The following ITM2A variants were observed in gnomAD, a reference collection of about 807,000 sequenced individuals.
ITM2A encodes the protein BRICHOS domain containing 2A.
In ITM2A, 11 loss-of-function variants were observed where a neutral mutation model predicts 16.6. The observed-to-expected ratio is 0.66, with a 90% CI of 0.42 to 1.10. ITM2A has a LOEUF of 1.10. Among genes scored for constraint, ITM2A ranks in the 50% least tolerant of loss-of-function variants. ITM2A has a pLI of 0.00. For missense variants in ITM2A, 243 were observed against 206.8 expected (o/e 1.17, Z -1.07); for synonymous variants, 102 against 71.2 (o/e 1.43, Z -2.18).
At position 79,361,764 on chromosome X, in the gene ITM2A, G is replaced by A. The variant is rs761264850; in HGVS notation, c.553-285C>T. Among the ~76,000 whole-genome samples, 20 of 110,606 alleles carry A rather than the reference G, an allele frequency of 1.8e-4. No homozygotes were observed. The South Asian group carries it at 6.6e-3, about 36-fold the overall frequency. ...GGCTCTCACTTAAGTGAGAACATAC[G>A]GTATTTGGTTTTCTGTTGCTGTGTT... On this transcript the variant is annotated intron_variant, in intron 4 of 5. Coordinates refer to ENST00000373298, the MANE Select transcript of ITM2A (RefSeq NM_004867.5).
Position 79,367,110 on chromosome X carries a change from C to T in ITM2A, c.106G>A (p.Gly36Ser). 8.4e-7 allele frequency: 1 copy of T among 1,191,244 alleles called. No individual in the cohort carries two copies. Among genetic ancestry groups the T allele is most frequent in the East Asian group, 3.0e-5 (1 of 33,253 alleles). The change falls in exon 1 of 6, where the codon GGC (glycine) becomes AGC (serine). Residue 36 changes from glycine (G) to serine (S), a missense_variant. Physicochemically the swap from Gly to Ser is moderately conservative, Grantham distance 56. Transcript: ENST00000373298. Reference sequence around the variant, plus strand: ...TCCCGCCCTGGGACAGCTACCTTGCCGGTCAGTATCTGAGTTCTGACCGTG... The same window carrying T: ...TCCCGCCCTGGGACAGCTACCTTGCTGGTCAGTATCTGAGTTCTGACCGTG... ...SRTVRTQILT[G>S]KELRVATQEK...
At chrX:79,363,360 G>A (rs1925490131) in intron 2 of ITM2A, 63 bp downstream of exon 2, 1 of 941,833 alleles carries the variant, frequency 1.1e-6, no homozygotes, top group South Asian at 2.7e-5. Context: ...AATTTTTTAA[G>A]TTGCTACTAA....
chrX:79,361,577 T>C, intron 4 of ITM2A, 98 bp from the exon 5 acceptor site: 5 of 701,047 alleles, frequency 7.1e-6, no homozygotes, highest in Non-Finnish European at 1.1e-5. Context: ...TAAGTAAAGT[T>C]GTGTCATGGG....
chrX:79,361,934 T>C (rs190140923), intron 4 of ITM2A, among the ~76,000 whole-genome samples: 262 of 109,416 alleles, frequency 2.4e-3, no homozygotes, highest in Middle Eastern at 4.7e-3. Flanking sequence ...CACTCTATCA[T>C]TGATGGACAT....
intron 1 of ITM2A, 128 bp from the exon 2 acceptor site, chrX:79,363,682 T>A: frequency 2.7e-6 from 1 of 369,764 alleles, no homozygotes; most frequent in Non-Finnish European, 4.5e-6. Flanking sequence ...ATTTTAATTG[T>A]AGTCTGAATT....
At chrX:79,361,296 C>T in intron 5 of ITM2A, 33 bp downstream of exon 5, 1 of 1,181,441 alleles carries the variant, frequency 8.5e-7, no homozygotes, top group Non-Finnish European at 1.1e-6. Flanking sequence ...CTGTGTAACA[C>T]AGGGTGAAGG....
rs748695064 is a variant in ITM2A at position 79,367,110 on chromosome X, C to G, written c.106G>C (p.Gly36Arg). 1.6e-5 allele frequency: 19 copies of G among 1,188,950 alleles called. No homozygotes were observed. The highest frequency in any genetic ancestry group is 3.5e-5 in the African/African-American group (2 of 56,443). Residue 36 changes from glycine to arginine, a missense_variant, in exon 1 of 6, where the codon GGC becomes CGC. Coordinates refer to ENST00000373298, the MANE Select transcript of ITM2A (RefSeq NM_004867.5). ...SRTVRTQILT[G>R]KELRVATQEK... is the part of the protein sequence containing the mutation. The stretch of plus-strand genomic sequence containing the variant: ...TCCCGCCCTGGGACAGCTACCTTGC[C>G]GGTCAGTATCTGAGTTCTGACCGTG...
intron 3 of ITM2A, 55 bp downstream of exon 3, chrX:79,362,887 A>AAG (rs763516885): frequency 9.4e-5 from 89 of 948,566 alleles, no homozygotes; most frequent in Non-Finnish European, 1.2e-4. Context: ...TGAAGTAAAA[A>AAG]AGAGAGAGAG....
Position 79,363,098 on chromosome X carries a change from C to T in ITM2A, c.285G>A (p.Glu95=), listed in dbSNP as rs1602221845. 8.3e-7 allele frequency: 1 copy of T among 1,207,406 alleles called. No homozygotes were observed. Among genetic ancestry groups the T allele is most frequent in the Admixed American group, 2.2e-5 (1 of 45,424 alleles). ...CTCCACGAAGGGAATTTGCAGGATC[C>T]TCAGAATCAAAAAAGCACATCTCTC... is the stretch of plus-strand genomic sequence containing the variant. ...YRGEMCFFDS[E]DPANSLRGGE... is the part of the protein sequence containing the mutation. The change falls in exon 3 of 6, where the codon GAG becomes GAA. Residue 95 remains glutamate, a synonymous_variant. Coordinates refer to ENST00000373298, the MANE Select transcript of ITM2A (RefSeq NM_004867.5).
intron 1 of ITM2A, among the ~76,000 whole-genome samples, chrX:79,363,897 CTT>C (rs1015917592): frequency 8.1e-5 from 9 of 111,702 alleles, no homozygotes; most frequent in Admixed American, 7.6e-4. Flanking sequence ...GACATTGACT[CTT>C]AACACATTTT....
chrX:79,366,915 A>G (rs1215186329), intron 1 of ITM2A, 190 bp downstream of exon 1: 3 of 413,760 alleles, frequency 7.3e-6, no homozygotes, highest in African/African-American at 2.5e-5. Context: ...GACACGCGGG[A>G]ATGCAGAGTG....
chrX:79,367,192 G>A lies in ITM2A; in HGVS notation c.24C>T (p.Thr8=). 8.3e-7 allele frequency: 1 copy of A among 1,206,323 alleles called. No individual in the cohort carries two copies. ...CCTCCTCCTTTTGCACGGCGGTAGG[G>A]GTATTGAAGGCGATTTTCACCATAG... is the stretch of plus-strand genomic sequence containing the variant. MVKIAFN[T]PTAVQKEEAR... is the part of the protein sequence containing the mutation. The change falls in exon 1 of 6, where the codon ACC becomes ACT. Residue 8 remains threonine (T), a synonymous_variant. Transcript: ENST00000373298.
At position 79,363,027 on chromosome X, in the gene ITM2A, T is replaced by A. The variant is rs778775054; in HGVS notation, c.356A>T (p.Glu119Val). 5.0e-6 allele frequency: 6 copies of A among 1,205,751 alleles called. No individual in the cohort carries two copies. The highest frequency in any genetic ancestry group is 4.5e-6 in the Non-Finnish European group (4 of 890,204). The change falls in exon 3 of 6, where the codon GAG becomes GTG. Residue 119 changes from glutamate (E) to valine (V), a missense_variant. Coordinates refer to ENST00000373298, the MANE Select transcript of ITM2A (RefSeq NM_004867.5). Reference protein sequence around the residue: ...LPVTEEADIREDDNIAIIDVP... With the variant: ...LPVTEEADIRVDDNIAIIDVP... ...ATCAATGATTGCAATGTTGTCATCCTCACGAATGTCAGCCTCCTCAGTCAC... is the reference window on the plus strand; with the variant it reads ...ATCAATGATTGCAATGTTGTCATCCACACGAATGTCAGCCTCCTCAGTCAC...
At position 79,366,932 on chromosome X, in the gene ITM2A, G is replaced by A. The variant is rs1025860405; in HGVS notation, c.111+173C>T. ...CACGCGGGAATGCAGAGTGACAGAG[G>A]GTGCGGTAAGCAGAAGGTGCCGCAA... On this transcript the variant is annotated intron_variant, in intron 1 of 5. Coordinates refer to ENST00000373298, the MANE Select transcript of ITM2A (RefSeq NM_004867.5). The A allele has an allele frequency of 1.4e-5, 6 of 422,416 alleles. No homozygotes were observed. The Admixed American group carries it at 2.6e-4, about 18-fold the overall frequency. The allele number at this position is 422,416 out of a possible 1,213,427, so 34.8% of individuals were successfully genotyped here. A position where few individuals can be genotyped will look rare whatever the true frequency, so the allele number is the denominator to read the frequency against.
chrX:79,367,236 G>A lies in ITM2A; in HGVS notation c.-21C>T, dbSNP rs1342457825. ...ACCATAGTGAATCTTCGGGCTGCGC[G>A]GTAAGGCGCTGCTGGAATCAGCGTC... is the stretch of plus-strand genomic sequence containing the variant. On this transcript the variant is annotated 5_prime_UTR_variant, in exon 1 of 6. Coordinates refer to ENST00000373298, the MANE Select transcript of ITM2A (RefSeq NM_004867.5). The A allele has an allele frequency of 1.8e-6, 2 of 1,096,049 alleles. No individual in the cohort carries two copies. Among genetic ancestry groups the A allele is most frequent in the Admixed American group, 4.5e-5 (2 of 44,270 alleles). The allele number at this position is 1,096,049 out of a possible 1,213,427, so 90.3% of individuals were successfully genotyped here.
At position 79,367,249 on chromosome X, in the gene ITM2A, T is replaced by C; in HGVS notation, c.-34A>G. On this transcript the variant is annotated 5_prime_UTR_variant, in exon 1 of 6. Coordinates refer to ENST00000373298, the MANE Select transcript of ITM2A (RefSeq NM_004867.5). ...TTCGGGCTGCGCGGTAAGGCGCTGC[T>C]GGAATCAGCGTCCTGGGCTGCAGAC... 9.9e-7 allele frequency: 1 copy of C among 1,014,479 alleles called. No homozygotes were observed. The highest frequency in any genetic ancestry group is 1.4e-6 in the Non-Finnish European group (1 of 726,888). 83.6% of individuals were successfully genotyped at this position (1,014,479 alleles called of 1,213,427 possible). A position where few individuals can be genotyped will look rare whatever the true frequency, so the allele number is the denominator to read the frequency against.
In ITM2A at chrX:79,363,123, C is replaced by G. The variant is rs765910257; in HGVS notation, c.260G>C (p.Gly87Ala). 1 of 1,205,792 alleles carries G rather than the reference C, an allele frequency of 8.3e-7. No individual in the cohort carries two copies. The highest frequency in any genetic ancestry group is 3.0e-5 in the East Asian group (1 of 33,755). The change falls in exon 3 of 6, where the codon GGA (glycine) becomes GCA (alanine). Residue 87 changes from glycine to alanine, a missense_variant. Transcript: ENST00000373298. ...CTCAGAATCAAAAAAGCACATCTCT[C>G]CACGGTAAATGGTGCTCTAAAAGAC... The part of the protein sequence containing the change: ...YFMPKSTIYR[G>A]EMCFFDSEDP...
chrX:79,363,734 G>A (rs945632700), intron 1 of ITM2A, among the ~76,000 whole-genome samples, 180 bp from the exon 2 acceptor site: 2 of 111,672 alleles, frequency 1.8e-5, no homozygotes, highest in African/African-American at 6.5e-5. Context: ...GTTAAAAAAT[G>A]TCTCTGATTA....
chrX:79,366,452 CA>C (rs1262996185), intron 1 of ITM2A, among the ~76,000 whole-genome samples: 2 of 111,308 alleles, frequency 1.8e-5, no homozygotes, highest in Non-Finnish European at 3.8e-5. Context: ...CCAACACTGG[CA>C]TTAAGATCCA....
Sources: allele counts gnomAD v4.1 joint callset (sites outside exome capture counted in the v4.1 genomes callset), GRCh38; gene constraint gnomAD v4.1.1; transcripts MANE v1.5; gene names NCBI Gene and HGNC (gene_info 2026-07-23, HGNC 2026-07-21).